Variants in PPFIBP1 observed in about 807,000 individuals in gnomAD.
PPFIBP1 encodes PPFIB scaffold protein 1, also known as liprin-beta-1.
A neutral mutation model predicts 137.8 loss-of-function variants in PPFIBP1; 112 were observed. That is an observed-to-expected ratio of 0.81 (90% CI 0.70 to 0.95). PPFIBP1 has a LOEUF of 0.95. Among genes scored for constraint, PPFIBP1 ranks in the 40% least tolerant of loss-of-function variants. The pLI is 0.00. For missense variants in PPFIBP1, 1,083 were observed against 1,196.6 expected, an observed-to-expected ratio of 0.91 and a Z score of 1.40; for synonymous variants, 378 against 417.3, an observed-to-expected ratio of 0.91 and a Z score of 1.15.
chr12:27,691,664 C>CAA, intron 27 of PPFIBP1, 85 bp from the exon 28 acceptor site: 1 of 1,090,016 alleles, frequency 9.2e-7, no homozygotes. Flanking sequence ...GGGGGCAACG[C>CAA]AAAAAAAAAT....
At chr12:27,664,000 G>A (rs756265576) in intron 11 of PPFIBP1, among the ~76,000 whole-genome samples, 4 of 152,166 alleles carry the variant, frequency 2.6e-5, no homozygotes, top group Non-Finnish European at 5.9e-5. Flanking sequence ...TTGACTTAGA[G>A]AGGAGAGTTA....
chr12:27,590,954 A>T (rs896417917), intron 2 of PPFIBP1, among the ~76,000 whole-genome samples: 3 of 151,682 alleles, frequency 2.0e-5, no homozygotes, highest in Admixed American at 6.6e-5. Flanking sequence ...TTTACAACCA[A>T]CCTCCCCTTG....
At chr12:27,534,561 T>TAA (rs879643655) in intron 1 of PPFIBP1, among the ~76,000 whole-genome samples, 6 of 141,026 alleles carry the variant, frequency 4.3e-5, no homozygotes, top group African/African-American at 1.3e-4. Flanking sequence ...GTAGTGGTTA[T>TAA]AAAAAAAAAA....
intron 5 of PPFIBP1, among the ~76,000 whole-genome samples, chr12:27,647,181 A>G (rs953505797): frequency 1.3e-5 from 2 of 152,002 alleles, no homozygotes; most frequent in African/African-American, 4.8e-5. Context: ...TTGTATTTTT[A>G]GTAGAGATGG....
intron 20 of PPFIBP1, 74 bp downstream of exon 20, chr12:27,679,713 G>A: frequency 6.6e-7 from 1 of 1,516,474 alleles, no homozygotes; most frequent in Non-Finnish European, 9.0e-7. Flanking sequence ...CATGGGTATG[G>A]ACTTTGTAAG....
Position 27,672,455 on chromosome 12 carries a change from G to A in PPFIBP1, c.1291G>A (p.Val431Ile), listed in dbSNP as rs113710428. 6.2e-7 allele frequency: 1 copy of A among 1,609,302 alleles called. No individual in the cohort carries two copies. Among genetic ancestry groups the A allele is most frequent in the Non-Finnish European group, 8.5e-7 (1 of 1,176,142 alleles). The change falls in exon 15 of 30, where the codon GTT becomes ATT. Residue 431 changes from valine (V) to isoleucine (I), a missense_variant. Coordinates refer to ENST00000228425, the MANE Select transcript of PPFIBP1 (RefSeq NM_003622.4). ...NDGNIILGAT[V>I]DTQLCDKLLT... ...TGGAAACATAATCCTTGGTGCCACT[G>A]TTGATACCCAACTGTGTGATAAACT... is the stretch of plus-strand genomic sequence containing the variant.
intron 28 of PPFIBP1, 75 bp downstream of exon 28, chr12:27,692,003 G>A: frequency 1.6e-6 from 2 of 1,248,588 alleles, no homozygotes; most frequent in Non-Finnish European, 2.2e-6. Context: ...TGTATACTGT[G>A]TCTGATCAAG....
chr12:27,656,183 A>G (rs1411015777), intron 8 of PPFIBP1, among the ~76,000 whole-genome samples: 1 of 152,226 alleles, frequency 6.6e-6, no homozygotes, highest in Non-Finnish European at 1.5e-5. Context: ...TCAAGGAAGC[A>G]TGAGTGCCAA....
intron 3 of PPFIBP1, 136 bp from the exon 4 acceptor site, chr12:27,634,774 T>C: frequency 1.3e-6 from 1 of 749,336 alleles, no homozygotes; most frequent in Non-Finnish European, 2.2e-6. Flanking sequence ...TTGGAGAGAT[T>C]TATGTGATTG....
chr12:27,524,946 A>G (rs796994860), intron 1 of PPFIBP1, among the ~76,000 whole-genome samples: 9 of 152,240 alleles, frequency 5.9e-5, no homozygotes, highest in African/African-American at 1.9e-4. Flanking sequence ...TTGGGGGCAC[A>G]CTTCTAAAAC....
At chr12:27,686,811 G>A (rs2061230488) in intron 24 of PPFIBP1, among the ~76,000 whole-genome samples, 1 of 151,984 alleles carries the variant, frequency 6.6e-6, no homozygotes, top group African/African-American at 2.4e-5. Flanking sequence ...CTGAGGCCGG[G>A]GGACTGCTTG....
intron 22 of PPFIBP1, 25 bp from the exon 23 acceptor site, chr12:27,682,362 A>T: frequency 6.5e-7 from 1 of 1,531,366 alleles, no homozygotes; most frequent in Non-Finnish European, 9.0e-7. Flanking sequence ...AGATAGAATT[A>T]TAAAGTCAAT....
At chr12:27,676,626 C>G (rs766292432) in intron 18 of PPFIBP1, 27 bp downstream of exon 18, 1 of 1,507,306 alleles carries the variant, frequency 6.6e-7, no homozygotes, top group Non-Finnish European at 9.0e-7. Context: ...TGCCTTTGCC[C>G]TAATTCTTCC....
chr12:27,685,346 T>C (rs1270319906), intron 24 of PPFIBP1, among the ~76,000 whole-genome samples: 1 of 152,010 alleles, frequency 6.6e-6, no homozygotes, highest in Non-Finnish European at 1.5e-5. Context: ...CCCTACTTTT[T>C]TACATGTATA....
chr12:27,539,239 C>G (rs1457170984), intron 1 of PPFIBP1, among the ~76,000 whole-genome samples: 2 of 152,214 alleles, frequency 1.3e-5, no homozygotes, highest in African/African-American at 4.8e-5. Flanking sequence ...ATCAGTGATT[C>G]TTGCCAGTGA....
intron 19 of PPFIBP1, 115 bp from the exon 20 acceptor site, chr12:27,679,374 A>G: frequency 9.7e-7 from 1 of 1,026,402 alleles, no homozygotes; most frequent in Non-Finnish European, 1.4e-6. Flanking sequence ...GCTCTTTGTA[A>G]GTCACTGATT....
chr12:27,583,263 A>ACC (rs1390158900), intron 2 of PPFIBP1, among the ~76,000 whole-genome samples: 5 of 152,232 alleles, frequency 3.3e-5, no homozygotes, highest in Admixed American at 1.3e-4. Context: ...GGAAGAGTTA[A>ACC]GAAGACACAG....
chr12:27,602,772 A>G (rs1186901351), intron 2 of PPFIBP1, among the ~76,000 whole-genome samples: 2 of 152,216 alleles, frequency 1.3e-5, no homozygotes, highest in African/African-American at 4.8e-5. Context: ...GTTAAAAATA[A>G]TTACTACCCT....
intron 24 of PPFIBP1, among the ~76,000 whole-genome samples, chr12:27,683,061 T>G (rs936995793): frequency 6.6e-6 from 1 of 152,186 alleles, no homozygotes; most frequent in African/African-American, 2.4e-5. Flanking sequence ...TCATAAAGAT[T>G]TTTTTTGTAT....
Sources: allele counts gnomAD v4.1 joint callset (sites outside exome capture counted in the v4.1 genomes callset), GRCh38; gene constraint gnomAD v4.1.1; transcripts MANE v1.5; gene names NCBI Gene and HGNC (gene_info 2026-07-23, HGNC 2026-07-21).